The following TENM4 variants were observed in gnomAD, a reference collection of about 807,000 sequenced individuals.
TENM4 encodes the protein teneurin transmembrane protein 4.
A neutral mutation model predicts 243.3 loss-of-function variants in TENM4; 82 were observed. The observed-to-expected ratio is 0.34, with a 90% CI of 0.28 to 0.40. The LOEUF (loss-of-function observed/expected upper bound fraction) is 0.40. Among genes scored for constraint, TENM4 ranks in the 10% least tolerant of loss-of-function variants. The probability of loss-of-function intolerance (pLI) is 1.00; values close to 1 mark genes in which losing one functional copy is unlikely to be tolerated. For synonymous variants in TENM4, 1,412 were observed against 1,456.3 expected, an observed-to-expected ratio of 0.97 and a Z score of 0.69; for missense variants, 3,138 against 3,673.3, an observed-to-expected ratio of 0.85 and a Z score of 3.77.
chr11:78,674,414 G>A (rs1417266652), intron 30 of TENM4, among the ~76,000 whole-genome samples: 1 of 152,156 alleles, frequency 6.6e-6, no homozygotes, highest in Non-Finnish European at 1.5e-5. Context: ...ATTAAAGCCT[G>A]GGAAACTTTT....
At chr11:79,184,595 T>A (rs894357348) in intron 3 of TENM4, among the ~76,000 whole-genome samples, 2 of 152,062 alleles carry the variant, frequency 1.3e-5, no homozygotes, top group African/African-American at 4.8e-5. Flanking sequence ...GGGGACATTA[T>A]GCTAAGGGAA....
rs757720188 is a variant in TENM4 at position 78,729,460 on chromosome 11, C to T, written c.3322G>A (p.Ala1108Thr). The change falls in exon 22 of 34, where the codon GCA (alanine) becomes ACA (threonine). Residue 1108 changes from alanine (A) to threonine (T), a missense_variant. Around this residue, in one of 2 missense-constraint regions of TENM4, gnomAD observed 2,467 missense variants for 3,059.1 expected, o/e 0.81. Transcript: ENST00000278550. Reference sequence around the variant, plus strand: ...AAATAATAGGACAGGTCTGGGGCTGCAGCGAACCACTTCCTGAAGAGGCGG... The same window carrying T: ...AAATAATAGGACAGGTCTGGGGCTGTAGCGAACCACTTCCTGAAGAGGCGG... ...EGRLFRKWFAAAPDLSYYFIW... is the reference protein window; with the variant it reads ...EGRLFRKWFATAPDLSYYFIW... The T allele has an allele frequency of 4.3e-6, 7 of 1,610,252 alleles. No homozygotes were observed. The highest frequency in any genetic ancestry group is 5.1e-6 in the Non-Finnish European group (6 of 1,178,044).
chr11:79,204,451 G>A (rs1863808578), intron 3 of TENM4, among the ~76,000 whole-genome samples: 1 of 152,158 alleles, frequency 6.6e-6, no homozygotes, highest in South Asian at 2.1e-4. Context: ...TGGGAGCTGT[G>A]ACTAGAAGTT....
intron 3 of TENM4, 113 bp downstream of exon 3, chr11:79,215,695 A>G: frequency 2.1e-6 from 2 of 934,248 alleles, no homozygotes; most frequent in Non-Finnish European, 2.6e-6. Flanking sequence ...GCCAAGTCGT[A>G]AAAGCCTCCA....
intron 1 of TENM4, among the ~76,000 whole-genome samples, chr11:79,364,241 T>C (rs1266082140): frequency 6.6e-6 from 1 of 152,234 alleles, no homozygotes; most frequent in Non-Finnish European, 1.5e-5. Flanking sequence ...CTGTACCTGA[T>C]GGGCACTGGA....
intron 3 of TENM4, among the ~76,000 whole-genome samples, chr11:79,161,312 C>A (rs1862742078): frequency 6.6e-6 from 1 of 152,184 alleles, no homozygotes; most frequent in Non-Finnish European, 1.5e-5. Context: ...TACCTTATTC[C>A]ATTACTAATT....
At chr11:79,257,984 G>A (rs762476716) in intron 2 of TENM4, among the ~76,000 whole-genome samples, 21 of 152,200 alleles carry the variant, frequency 1.4e-4, no homozygotes, top group Non-Finnish European at 2.6e-4. Flanking sequence ...AAGAGTTTAA[G>A]CCTTCTTCCT....
intron 12 of TENM4, among the ~76,000 whole-genome samples, chr11:78,823,194 C>T (rs911187528): frequency 2.0e-5 from 3 of 152,234 alleles, no homozygotes; most frequent in Non-Finnish European, 4.4e-5. Context: ...CGAGCGCTCC[C>T]GGGAAATGCC....
intron 3 of TENM4, among the ~76,000 whole-genome samples, chr11:79,164,547 AT>A (rs1862864705): frequency 6.9e-6 from 1 of 144,718 alleles, no homozygotes; most frequent in Non-Finnish European, 1.5e-5. Context: ...TACTATATAT[AT>A]CTATATACTA....
intron 4 of TENM4, among the ~76,000 whole-genome samples, chr11:79,133,183 C>A (rs1293068927): frequency 8.6e-5 from 13 of 151,966 alleles, no homozygotes; most frequent in Admixed American, 8.5e-4. Context: ...CAACTGACAC[C>A]ACTGAAATAC....
intron 6 of TENM4, among the ~76,000 whole-genome samples, chr11:78,906,938 T>C (rs904397061): frequency 1.3e-5 from 2 of 152,186 alleles, no homozygotes; most frequent in African/African-American, 2.4e-5. Context: ...GTGAGGTTCA[T>C]GTGGGGCAAT....
chr11:79,374,532 A>C (rs1460421543), intron 1 of TENM4, among the ~76,000 whole-genome samples: 1 of 149,212 alleles, frequency 6.7e-6, no homozygotes, highest in African/African-American at 2.5e-5. Context: ...TTCCAACTAT[A>C]TATATCTATA....
At position 78,801,251 on chromosome 11, in the gene TENM4, C is replaced by T. The variant is rs560707255; in HGVS notation, c.2179+4041G>A. ...TTCCAACTCTTTTCTATCTGTTTAA[C>T]AGCAACAGCAGTAGCCACCTCCCCC... On this transcript the variant is annotated intron_variant, in intron 15 of 33. Coordinates refer to ENST00000278550, the MANE Select transcript of TENM4 (RefSeq NM_001098816.3). 4.3e-4 allele frequency among the ~76,000 whole-genome samples: 66 copies of T among 152,256 alleles called. No homozygotes were observed. In the South Asian group the frequency reaches 9.1e-3, roughly 21 times the overall value.
At chr11:79,069,047 A>C (rs1860340569) in intron 5 of TENM4, among the ~76,000 whole-genome samples, 1 of 152,156 alleles carries the variant, frequency 6.6e-6, no homozygotes, top group Non-Finnish European at 1.5e-5. Flanking sequence ...AATGGTTTGC[A>C]CTGGGAAGTA....
chr11:79,232,399 C>T (rs1864390510), intron 2 of TENM4, among the ~76,000 whole-genome samples: 1 of 152,246 alleles, frequency 6.6e-6, no homozygotes, highest in African/African-American at 2.4e-5. Flanking sequence ...GCCTGTGCCC[C>T]TCCTTTTCCT....
At chr11:79,236,245 A>G (rs1864469308) in intron 2 of TENM4, among the ~76,000 whole-genome samples, 3 of 152,288 alleles carry the variant, frequency 2.0e-5, no homozygotes, top group Non-Finnish European at 2.9e-5. Context: ...CACAAATTGT[A>G]AAGGGAAAAT....
chr11:78,998,823 AT>A (rs778460043), intron 6 of TENM4, among the ~76,000 whole-genome samples: 1 of 152,202 alleles, frequency 6.6e-6, no homozygotes, highest in East Asian at 1.9e-4. Flanking sequence ...GGGCAAGCAT[AT>A]TCTTGGCTGA....
intron 6 of TENM4, among the ~76,000 whole-genome samples, chr11:78,941,365 T>C (rs1348279645): frequency 6.6e-6 from 1 of 152,132 alleles, no homozygotes; most frequent in African/African-American, 2.4e-5. Context: ...CCAGGTGTGT[T>C]TGAGAAACAG....
chr11:78,677,717 T>G (rs1308926155), intron 29 of TENM4, among the ~76,000 whole-genome samples: 1 of 151,950 alleles, frequency 6.6e-6, no homozygotes, highest in Non-Finnish European at 1.5e-5. Flanking sequence ...GACAATGATT[T>G]AAATATACAT....
Sources: allele counts gnomAD v4.1 joint callset (sites outside exome capture counted in the v4.1 genomes callset), GRCh38; gene constraint gnomAD v4.1.1; regional missense constraint gnomAD v4.1.1; transcripts MANE v1.5; gene names NCBI Gene and HGNC (gene_info 2026-07-23, HGNC 2026-07-21).